CENPK: variants seen among roughly 807,000 people sequenced by gnomAD.
CENPK encodes SoxLZ/Sox6-binding protein Solt.
In CENPK, 46 loss-of-function variants were observed where a neutral mutation model predicts 40.9. The observed-to-expected ratio is 1.13, with a 90% CI of 0.89 to 1.44. The LOEUF (loss-of-function observed/expected upper bound fraction) is 1.44, where lower values mean the gene tolerates loss of function less well. Among genes scored for constraint, CENPK ranks in the 40% most tolerant of loss-of-function variants. The probability of loss-of-function intolerance (pLI) is 0.00; values close to 1 mark genes in which losing one functional copy is unlikely to be tolerated. For synonymous variants in CENPK, 107 were observed against 104.4 expected, an observed-to-expected ratio of 1.02 and a Z score of -0.15; for missense variants, 288 against 303.5, an observed-to-expected ratio of 0.95 and a Z score of 0.38.
At chr5:65,561,225 A>C (rs1350739603) in intron 2 of CENPK, 2 of 256,756 alleles carry the variant, frequency 7.8e-6, no homozygotes, top group African/African-American at 4.4e-5. Context: ...GTTTAAGTTC[A>C]CAAAGCCAAA....
At chr5:65,547,183 AAG>A (rs1176086260) in intron 5 of CENPK, among the ~76,000 whole-genome samples, 1 of 152,108 alleles carries the variant, frequency 6.6e-6, no homozygotes, top group Admixed American at 6.5e-5. Context: ...ACCTGAGGTC[AAG>A]AGTTTGAGAT....
chr5:65,548,018 G>C (rs2150491165), intron 5 of CENPK, among the ~76,000 whole-genome samples: 1 of 152,278 alleles, frequency 6.6e-6, no homozygotes, highest in South Asian at 2.1e-4. Flanking sequence ...AGAAGACTAA[G>C]AAGGGAAGCA....
chr5:65,537,193 T>C (rs1682225763), intron 6 of CENPK, among the ~76,000 whole-genome samples: 2 of 152,260 alleles, frequency 1.3e-5, no homozygotes, highest in South Asian at 4.1e-4. Context: ...AAAAGGCACA[T>C]GGGAGAAGCT....
At chr5:65,530,546 A>T (rs762914073) in intron 6 of CENPK, among the ~76,000 whole-genome samples, 1 of 152,222 alleles carries the variant, frequency 6.6e-6, no homozygotes, top group Admixed American at 6.5e-5. Flanking sequence ...GACTAAAGAG[A>T]ATTACAATAA....
intron 5 of CENPK, among the ~76,000 whole-genome samples, chr5:65,545,197 GA>G (rs1748672711): frequency 6.6e-6 from 1 of 151,932 alleles, no homozygotes; most frequent in African/African-American, 2.4e-5. Flanking sequence ...TTCTGCAAAA[GA>G]CATAAATCCA....
the CENPK span, among the ~76,000 whole-genome samples, chr5:65,501,920 C>T: frequency 3.3e-5 from 5 of 152,154 alleles, no homozygotes; most frequent in African/African-American, 1.2e-4. Flanking sequence ...TCTGACATGG[C>T]TTCCTCTAAT....
chr5:65,562,018 G>T (rs374709025), intron 1 of CENPK, among the ~76,000 whole-genome samples: 2 of 152,320 alleles, frequency 1.3e-5, no homozygotes, highest in East Asian at 3.9e-4. Context: ...CAGGTAGTCA[G>T]AAGTGCTATG....
chr5:65,516,644 TA>T (rs1742877558), downstream of CENPK, among the ~76,000 whole-genome samples: 1 of 152,158 alleles, frequency 6.6e-6, no homozygotes, highest in Non-Finnish European at 1.5e-5. Flanking sequence ...TTATCTGTAG[TA>T]TCTGCATTTT....
chr5:65,508,689 G>C, the CENPK span, among the ~76,000 whole-genome samples: 24 of 151,826 alleles, frequency 1.6e-4, no homozygotes, highest in African/African-American at 5.6e-4. Flanking sequence ...GGGAGACTGA[G>C]GTGGGAGAAT....
chr5:65,500,686 T>TTTCC, the CENPK span, among the ~76,000 whole-genome samples: 1 of 152,128 alleles, frequency 6.6e-6, no homozygotes, highest in African/African-American at 2.4e-5. Context: ...TTGTTTGAGA[T>TTTCC]GGAATCCCAC....
chr5:65,497,585 CA>C, the CENPK span, among the ~76,000 whole-genome samples: 2 of 152,150 alleles, frequency 1.3e-5, no homozygotes, highest in African/African-American at 4.8e-5. Context: ...TCATTACAAA[CA>C]AGTCATAAGT....
the CENPK span, among the ~76,000 whole-genome samples, chr5:65,508,078 A>G: frequency 6.6e-6 from 1 of 152,204 alleles, no homozygotes; most frequent in Non-Finnish European, 1.5e-5. Context: ...TGTGATATTA[A>G]CCTTGACCAC....
At chr5:65,512,450 C>T in the CENPK span, among the ~76,000 whole-genome samples, 1 of 152,182 alleles carries the variant, frequency 6.6e-6, no homozygotes, top group South Asian at 2.1e-4. Context: ...GCCACAGCCA[C>T]CCGAACCTCC....
intron 2 of CENPK, among the ~76,000 whole-genome samples, chr5:65,557,050 G>A (rs569549361): frequency 6.6e-6 from 1 of 152,322 alleles, no homozygotes; most frequent in African/African-American, 2.4e-5. Flanking sequence ...AAAAGGAAGA[G>A]TGTGCAGCTA....
chr5:65,545,670 A>G (rs966274472), intron 5 of CENPK, among the ~76,000 whole-genome samples: 5 of 152,176 alleles, frequency 3.3e-5, no homozygotes, highest in African/African-American at 1.2e-4. Flanking sequence ...AGAACAATAG[A>G]AAGAACAAAA....
chr5:65,522,927 T>C (rs528045524), intron 9 of CENPK, among the ~76,000 whole-genome samples: 1 of 152,364 alleles, frequency 6.6e-6, no homozygotes, highest in Non-Finnish European at 1.5e-5. Context: ...AAATTTAAGA[T>C]GGTATTAGCT....
At chr5:65,554,429 C>T (rs1750645553) in intron 3 of CENPK, among the ~76,000 whole-genome samples, 1 of 152,188 alleles carries the variant, frequency 6.6e-6, no homozygotes, top group Non-Finnish European at 1.5e-5. Flanking sequence ...GGATTACAGG[C>T]GTGGCCCAGT....
chr5:65,533,174 A>AC (rs1415983675), intron 6 of CENPK, among the ~76,000 whole-genome samples: 3 of 151,160 alleles, frequency 2.0e-5, no homozygotes, highest in African/African-American at 4.9e-5. Context: ...AAATGGTGAA[A>AC]CCCCCGTCTC....
chr5:65,536,862 T>G (rs1001344543), intron 6 of CENPK, among the ~76,000 whole-genome samples: 7 of 152,214 alleles, frequency 4.6e-5, no homozygotes, highest in African/African-American at 1.7e-4. Context: ...GAAACTTGGT[T>G]GCCATTGTGG....
Sources: allele counts gnomAD v4.1 joint callset (sites outside exome capture counted in the v4.1 genomes callset), GRCh38; gene constraint gnomAD v4.1.1; transcripts MANE v1.5; gene names NCBI Gene and HGNC (gene_info 2026-07-23, HGNC 2026-07-21).